CGGBP1: variants seen among roughly 807,000 people sequenced by gnomAD.
The protein encoded by CGGBP1 is CGG triplet repeat binding protein 1, also known as CGG triplet repeat-binding protein 1.
Under a neutral mutation model 11.4 loss-of-function variants are expected in CGGBP1, and 4 were observed. That is an observed-to-expected ratio of 0.35 (90% CI 0.17 to 0.80). The LOEUF is 0.80. Ranked by LOEUF, CGGBP1 falls within the 30% of genes least tolerant of loss-of-function variation. CGGBP1 has a pLI of 0.52. For missense variants in CGGBP1, 135 were observed against 202.1 expected, an observed-to-expected ratio of 0.67 and a Z score of 2.01; for synonymous variants, 76 against 74.1, an observed-to-expected ratio of 1.03 and a Z score of -0.13.
At chr3:88,134,191 A>G (rs1355949976) in intron 2 of CGGBP1, among the ~76,000 whole-genome samples, 1 of 151,772 alleles carries the variant, frequency 6.6e-6, no homozygotes, top group Non-Finnish European at 1.5e-5. Flanking sequence ...TACTACTCAT[A>G]TGTTGCTTGC....
chr3:88,147,449 G>T (rs540967886), intron 1 of CGGBP1, among the ~76,000 whole-genome samples: 9 of 152,278 alleles, frequency 5.9e-5, no homozygotes, highest in African/African-American at 1.4e-4. Context: ...AGGAGCAGAT[G>T]ATAAGGGAAC....
chr3:88,146,656 C>T (rs1227755643), intron 1 of CGGBP1, among the ~76,000 whole-genome samples: 2 of 152,132 alleles, frequency 1.3e-5, no homozygotes, highest in Non-Finnish European at 2.9e-5. Context: ...TCTTTGGCTC[C>T]AGTCATATTT....
At chr3:88,141,953 A>G (rs1707153751) in intron 1 of CGGBP1, 3 of 250,510 alleles carry the variant, frequency 1.2e-5, no homozygotes, top group African/African-American at 2.2e-5. Flanking sequence ...TGTTTAGGCA[A>G]CTAGTCAGAA....
chr3:88,070,065 G>A (rs1559689057), intron 2 of CGGBP1, among the ~76,000 whole-genome samples: 2 of 152,118 alleles, frequency 1.3e-5, no homozygotes, highest in African/African-American at 2.4e-5. Flanking sequence ...ATGCTCATGA[G>A]AGTATGAAGA....
chr3:88,066,352 T>C (rs1358299928), intron 2 of CGGBP1, among the ~76,000 whole-genome samples: 2 of 152,090 alleles, frequency 1.3e-5, no homozygotes, highest in Non-Finnish European at 2.9e-5. Context: ...GGCAGGCAAA[T>C]TGCTTGAGCT....
intron 2 of CGGBP1, among the ~76,000 whole-genome samples, chr3:88,101,808 T>C (rs1257879193): frequency 1.3e-5 from 2 of 152,190 alleles, no homozygotes; most frequent in East Asian, 1.9e-4. Context: ...GCAGTTTCTT[T>C]ACATCTTCAC....
chr3:88,060,471 C>T (rs972973118), upstream of CGGBP1, among the ~76,000 whole-genome samples: 4 of 152,132 alleles, frequency 2.6e-5, no homozygotes, highest in Non-Finnish European at 5.9e-5. Context: ...TTTTTGCAAG[C>T]TATTTTGGGG....
chr3:88,092,907 GTGT>G (rs1703831573), intron 2 of CGGBP1, among the ~76,000 whole-genome samples: 1 of 152,112 alleles, frequency 6.6e-6, no homozygotes, highest in African/African-American at 2.4e-5. Context: ...AGTTTTGCTA[GTGT>G]TGTCTACAGG....
chr3:88,144,316 C>T (rs1245531932), intron 1 of CGGBP1: 10 of 152,270 alleles, frequency 6.6e-5, no homozygotes, highest in Non-Finnish European at 1.0e-4. Flanking sequence ...AAGGTTCAGC[C>T]GTACTCCTTT....
Position 88,102,417 on chromosome 3 carries a change from T to C in CGGBP1, c.-229+38553A>G, listed in dbSNP as rs564413311. 4.6e-5 allele frequency among the ~76,000 whole-genome samples: 7 copies of C among 152,318 alleles called. No individual in the cohort carries two copies. In the East Asian group the frequency reaches 1.2e-3, roughly 25 times the overall value. On this transcript the variant is annotated intron_variant, in intron 2 of 3. Coordinates refer to the CGGBP1 transcript ENST00000462901. ...CCTTTATTTTCCCATTATACTGTTA[T>C]CTTCTATAATGTCAAATTTGCTGTT...
chr3:88,067,252 G>C (rs1707250965), intron 2 of CGGBP1, among the ~76,000 whole-genome samples: 1 of 152,218 alleles, frequency 6.6e-6, no homozygotes, highest in African/African-American at 2.4e-5. Context: ...CTAATAGCTT[G>C]ACTATGTATA....
intron 2 of CGGBP1, among the ~76,000 whole-genome samples, chr3:88,073,461 G>A (rs2107621118): frequency 6.6e-6 from 1 of 152,272 alleles, no homozygotes; most frequent in South Asian, 2.1e-4. Context: ...AAGAATGAAA[G>A]TCTACATAAA....
intron 2 of CGGBP1, among the ~76,000 whole-genome samples, chr3:88,102,098 C>G (rs1439380154): frequency 3.9e-5 from 6 of 151,984 alleles, no homozygotes; most frequent in Non-Finnish European, 8.8e-5. Flanking sequence ...TATATCTTGT[C>G]TTTTCATTTT....
In CGGBP1 at chr3:88,088,298, A is replaced by T. The variant is rs542399871; in HGVS notation, c.-228-30075T>A. 8.5e-5 allele frequency among the ~76,000 whole-genome samples: 13 copies of T among 152,340 alleles called. No homozygotes were observed. In the South Asian group the frequency reaches 2.5e-3, roughly 29 times the overall value. On this transcript the variant is annotated intron_variant, in intron 2 of 3. Transcript: ENST00000462901. ...ACATATTAATGAATATCTAAGAATC[A>T]TCAGATATTTAAAAATGCCTTCAAT...
chr3:88,125,509 C>G (rs1045903751), intron 2 of CGGBP1, among the ~76,000 whole-genome samples: 3 of 56,048 alleles, frequency 5.4e-5, no homozygotes, highest in Non-Finnish European at 1.6e-4. Context: ...TATCTTAAAT[C>G]TAAAGCAAAG....
rs545111165 is a variant in CGGBP1, at chr3:88,125,081, GAC to G, written c.-229+15887_-229+15888del. Reference sequence around the variant, plus strand: ...ATACAAAAAATTAGCTGGGCATGGTGACACGCGCCTGTAGTCCCAGCTACTTG... The same window carrying G: ...ATACAAAAAATTAGCTGGGCATGGTGACGCGCCTGTAGTCCCAGCTACTTG... On this transcript the variant is annotated intron_variant, in intron 2 of 3. Transcript: ENST00000462901. Among the ~76,000 whole-genome samples, 316 of 152,056 alleles carry G rather than the reference GAC, an allele frequency of 2.1e-3. 1 individual carries two copies. The highest frequency in any genetic ancestry group is 6.8e-3 in the Middle Eastern group (2 of 294).
At chr3:88,060,147 A>C (rs972644426), upstream of CGGBP1, among the ~76,000 whole-genome samples, 3 of 152,000 alleles carry the variant, frequency 2.0e-5, no homozygotes, top group Admixed American at 2.0e-4. Context: ...CGGTTGACAC[A>C]CGCACTCTTT....
chr3:88,109,650 C>G (rs1450048929), intron 2 of CGGBP1, among the ~76,000 whole-genome samples: 1 of 152,078 alleles, frequency 6.6e-6, no homozygotes, highest in African/African-American at 2.4e-5. Context: ...TAGACCTGCA[C>G]AGTTTAAATC....
chr3:88,080,112 T>G (rs1708005296), intron 2 of CGGBP1, among the ~76,000 whole-genome samples: 1 of 152,116 alleles, frequency 6.6e-6, no homozygotes, highest in Non-Finnish European at 1.5e-5. Flanking sequence ...TGTTCAGGCA[T>G]GTAGCATTTT....
Sources: gnomAD v4.1 joint callset for allele counts (sites outside exome capture counted in the v4.1 genomes callset) on GRCh38, gnomAD v4.1.1 for gene constraint, MANE v1.5 for transcripts, NCBI Gene and HGNC (gene_info 2026-07-23, HGNC 2026-07-21) for gene names.